TBC1D8: variants seen among roughly 807,000 people sequenced by gnomAD.
TBC1D8 encodes the protein BUB2-like protein 1.
A neutral mutation model predicts 118.8 loss-of-function variants in TBC1D8; 65 were observed. That is an observed-to-expected ratio of 0.55 (90% CI 0.45 to 0.67). The LOEUF (loss-of-function observed/expected upper bound fraction) is 0.67. Among genes scored for constraint, TBC1D8 ranks in the 30% least tolerant of loss-of-function variants. The pLI, the probability that TBC1D8 is intolerant of heterozygous loss-of-function variation, is 0.00. For missense variants in TBC1D8, 1,376 were observed against 1,471.2 expected (o/e 0.94, Z 1.06); for synonymous variants, 566 against 595.8 (o/e 0.95, Z 0.73).
At chr2:101,087,499 C>T (rs952698348) in intron 2 of TBC1D8, among the ~76,000 whole-genome samples, 1 of 151,768 alleles carries the variant, frequency 6.6e-6, no homozygotes, top group South Asian at 2.1e-4. Context: ...AAATATTAGC[C>T]GAGCGTGGTG....
chr2:101,078,494 G>A (rs960518846), intron 2 of TBC1D8, among the ~76,000 whole-genome samples: 1 of 152,078 alleles, frequency 6.6e-6, no homozygotes, highest in Non-Finnish European at 1.5e-5. Flanking sequence ...GATAAGACTG[G>A]CCATATTTTT....
At chr2:101,139,094 T>C (rs1478565829) in intron 1 of TBC1D8, among the ~76,000 whole-genome samples, 1 of 152,128 alleles carries the variant, frequency 6.6e-6, no homozygotes, top group Non-Finnish European at 1.5e-5. Flanking sequence ...ATGCATTTTT[T>C]TTTTCAGTAG....
chr2:101,119,223 T>A lies in TBC1D8; in HGVS notation c.128-28859A>T, dbSNP rs1574061437. ...AACATGGGCAATGCATGTTTGCCAG[T>A]AGCTATTCCACATAAACCTTCAACT... On this transcript the variant is annotated intron_variant, in intron 1 of 19. Coordinates refer to ENST00000409318, the MANE Select transcript of TBC1D8 (RefSeq NM_001330348.2). Among the ~76,000 whole-genome samples, 5 of 152,324 alleles carry A rather than the reference T, an allele frequency of 3.3e-5. No homozygotes were observed. The South Asian group carries it at 1.0e-3, about 32-fold the overall frequency.
chr2:101,090,378 GAGA>G lies in TBC1D8; in HGVS notation c.128-17_128-15del. 6.2e-7 allele frequency: 1 copy of G among 1,613,618 alleles called. No individual in the cohort carries two copies. Among genetic ancestry groups the G allele is most frequent in the South Asian group, 1.1e-5 (1 of 91,074 alleles). On this transcript the variant is annotated splice_polypyrimidine_tract_variant and intron_variant, in intron 1 of 19. Coordinates refer to ENST00000409318, the MANE Select transcript of TBC1D8 (RefSeq NM_001330348.2). Reference sequence around the variant, plus strand: ...CGACCAGGCGACCTTCAAAAGAAAAGAGAAGAAAGTGCACCTGTGAGCATGGGG... The same window carrying G: ...CGACCAGGCGACCTTCAAAAGAAAAGAGAAAGTGCACCTGTGAGCATGGGG...
chr2:101,089,702 TAGG>T (rs564564448), intron 2 of TBC1D8, among the ~76,000 whole-genome samples: 213 of 152,054 alleles, frequency 1.4e-3, no homozygotes, highest in African/African-American at 5.0e-3. Context: ...ATGATCACAA[TAGG>T]AGAAGACTGC....
At chr2:101,042,159 A>T (rs1389835556) in intron 5 of TBC1D8, among the ~76,000 whole-genome samples, 1 of 152,146 alleles carries the variant, frequency 6.6e-6, no homozygotes, top group Non-Finnish European at 1.5e-5. Flanking sequence ...TCACATCAGT[A>T]ATGACAAGAG....
intron 2 of TBC1D8, among the ~76,000 whole-genome samples, chr2:101,087,452 T>C (rs1013183823): frequency 1.6e-4 from 24 of 151,158 alleles, no homozygotes; most frequent in African/African-American, 4.8e-4. Flanking sequence ...GCCTGACCAA[T>C]AGGTAAAAAA....
At chr2:101,085,204 A>C (rs1558687514) in intron 2 of TBC1D8, among the ~76,000 whole-genome samples, 1 of 152,078 alleles carries the variant, frequency 6.6e-6, no homozygotes, top group Non-Finnish European at 1.5e-5. Flanking sequence ...CTATTAAAAA[A>C]TCCAGGCCAA....
At chr2:101,079,896 T>G (rs1034124573) in intron 2 of TBC1D8, among the ~76,000 whole-genome samples, 1 of 151,820 alleles carries the variant, frequency 6.6e-6, no homozygotes, top group Non-Finnish European at 1.5e-5. Context: ...CTGTGTTAGC[T>G]AGGACGGTCT....
At chr2:101,125,043 A>T (rs1335471134) in intron 1 of TBC1D8, among the ~76,000 whole-genome samples, 1 of 152,236 alleles carries the variant, frequency 6.6e-6, no homozygotes, top group Non-Finnish European at 1.5e-5. Context: ...TCCTCTGAGC[A>T]AATGATATTT....
chr2:101,059,627 A>G (rs1682645821), intron 2 of TBC1D8, 88 bp from the exon 3 acceptor site: 1 of 1,163,404 alleles, frequency 8.6e-7, no homozygotes, highest in African/African-American at 1.5e-5. Context: ...AATATTGTGT[A>G]TCCCCATGTT....
intron 10 of TBC1D8, 81 bp from the exon 11 acceptor site, chr2:101,032,466 A>G (rs560519161): frequency 1.6e-6 from 2 of 1,212,516 alleles, no homozygotes; most frequent in South Asian, 2.5e-5. Flanking sequence ...AGCCCAAACA[A>G]CCCACAAAAG....
intron 1 of TBC1D8, among the ~76,000 whole-genome samples, chr2:101,147,914 T>G (rs1453685347): frequency 1.3e-5 from 2 of 152,162 alleles, no homozygotes; most frequent in African/African-American, 4.8e-5. Flanking sequence ...TGTATAACTT[T>G]ATTTCCTTTC....
intron 1 of TBC1D8, among the ~76,000 whole-genome samples, chr2:101,136,157 T>C (rs1415420281): frequency 6.6e-6 from 1 of 152,084 alleles, no homozygotes; most frequent in African/African-American, 2.4e-5. Context: ...TGGCCTCACG[T>C]TGAAATTTGA....
chr2:101,041,729 A>T (rs1302556581), intron 5 of TBC1D8, among the ~76,000 whole-genome samples: 3 of 152,192 alleles, frequency 2.0e-5, no homozygotes, highest in African/African-American at 4.8e-5. Flanking sequence ...AAAAAAAATT[A>T]AAAAATTTAA....
At chr2:101,086,942 C>G (rs1277063208) in intron 2 of TBC1D8, among the ~76,000 whole-genome samples, 2 of 152,064 alleles carry the variant, frequency 1.3e-5, no homozygotes, top group African/African-American at 4.8e-5. Context: ...CACAACCACC[C>G]CTGGCTAATT....
At chr2:101,023,719 C>T (rs1680178933) in intron 15 of TBC1D8, 2 of 373,670 alleles carry the variant, frequency 5.4e-6, no homozygotes, top group Non-Finnish European at 1.1e-5. Flanking sequence ...CTTCAGAATG[C>T]ATCATTTCCA....
chr2:101,098,703 T>TA (rs2105466623), intron 1 of TBC1D8, among the ~76,000 whole-genome samples: 1 of 152,256 alleles, frequency 6.6e-6, no homozygotes, highest in African/African-American at 2.4e-5. Flanking sequence ...AACTCAGGAT[T>TA]AAGAAACTCA....
At chr2:101,071,770 C>T (rs182824789) in intron 2 of TBC1D8, among the ~76,000 whole-genome samples, 5 of 152,228 alleles carry the variant, frequency 3.3e-5, no homozygotes, top group African/African-American at 9.6e-5. Context: ...TTCAAATATG[C>T]ATCCTTATAT....
Sources: allele counts gnomAD v4.1 joint callset (sites outside exome capture counted in the v4.1 genomes callset), GRCh38; gene constraint gnomAD v4.1.1; transcripts MANE v1.5; gene names NCBI Gene and HGNC (gene_info 2026-07-23, HGNC 2026-07-21).